SLC2A7: variants seen among roughly 807,000 people sequenced by gnomAD.
The protein encoded by SLC2A7 is solute carrier family 2 member 7.
Under a neutral mutation model 50.5 loss-of-function variants are expected in SLC2A7, and 50 were observed. The observed-to-expected ratio is 0.99, with a 90% CI of 0.79 to 1.25. The LOEUF is 1.25. SLC2A7 is among the 50% of genes most tolerant of loss of function. The pLI is 0.00. For synonymous variants in SLC2A7, 308 were observed against 300.4 expected, an observed-to-expected ratio of 1.03 and a Z score of -0.26; for missense variants, 683 against 679.1, an observed-to-expected ratio of 1.01 and a Z score of -0.06.
chr1:9,023,246 C>T (rs1242219976), intron 2 of SLC2A7, among the ~76,000 whole-genome samples, 168 bp from the exon 3 acceptor site: 2 of 152,112 alleles, frequency 1.3e-5, no homozygotes, highest in Non-Finnish European at 1.5e-5. Context: ...ATCAAAAAAT[C>T]TACTATATGA....
In SLC2A7 at chr1:9,004,725, C is replaced by T. The variant is rs200454299; in HGVS notation, c.1320+27G>A. 2.0e-4 allele frequency: 326 copies of T among 1,612,446 alleles called. 1 individual carries two copies. Among genetic ancestry groups the T allele is most frequent in the South Asian group, 2.7e-4 (25 of 90,992 alleles). ...CTTACTCCCTGGAGGCCCGGTGGAG[C>T]GGGTTGGGGAAGGGGCCCTCACTCA... is the stretch of plus-strand genomic sequence containing the variant. On this transcript the variant is annotated intron_variant, in intron 11 of 11. Transcript: ENST00000400906.
chr1:9,012,957 C>G (rs1236036138), intron 8 of SLC2A7, among the ~76,000 whole-genome samples: 1 of 152,138 alleles, frequency 6.6e-6, no homozygotes, highest in Non-Finnish European at 1.5e-5. Flanking sequence ...GGTGCCATCT[C>G]CCTGCTCACT....
chr1:9,001,739 G>A (rs1349346327), downstream of SLC2A7, among the ~76,000 whole-genome samples: 1 of 152,096 alleles, frequency 6.6e-6, no homozygotes, highest in Non-Finnish European at 1.5e-5. Flanking sequence ...TTTCAAGGAA[G>A]ATATCAACTT....
chr1:9,012,547 C>G (rs998679166), intron 8 of SLC2A7, among the ~76,000 whole-genome samples: 1 of 152,150 alleles, frequency 6.6e-6, no homozygotes, highest in Admixed American at 6.5e-5. Context: ...CCCTTCTAAA[C>G]CTTCTGAGAG....
intron 3 of SLC2A7, among the ~76,000 whole-genome samples, chr1:9,021,458 C>A (rs1376373906): frequency 6.6e-6 from 1 of 152,114 alleles, no homozygotes; most frequent in Non-Finnish European, 1.5e-5. Flanking sequence ...CTTTGAGGAC[C>A]GCTGGGACCC....
chr1:8,996,936 C>T, the SLC2A7 span, among the ~76,000 whole-genome samples: 7 of 151,892 alleles, frequency 4.6e-5, no homozygotes, highest in Admixed American at 2.0e-4. Context: ...CCACCACGCC[C>T]GGCTAATTTT....
At chr1:9,015,025 G>A in intron 6 of SLC2A7, 92 bp downstream of exon 6, 1 of 1,562,546 alleles carries the variant, frequency 6.4e-7, no homozygotes, top group Non-Finnish European at 8.7e-7. Context: ...TCTCACCCCT[G>A]ACCCATGGCG....
At chr1:8,994,622 G>GT in the SLC2A7 span, among the ~76,000 whole-genome samples, 15 of 152,158 alleles carry the variant, frequency 9.9e-5, no homozygotes, top group African/African-American at 3.4e-4. Context: ...CACCACCTCT[G>GT]TGGCAGGTGA....
At position 9,008,789 on chromosome 1, in the gene SLC2A7, G is replaced by A. The variant is rs965078192; in HGVS notation, c.1116+1354C>T. 6.6e-6 allele frequency among the ~76,000 whole-genome samples: 1 copy of A among 152,082 alleles called. No individual in the cohort carries two copies. Among genetic ancestry groups the A allele is most frequent in the South Asian group, 2.1e-4 (1 of 4,820 alleles). On this transcript the variant is annotated intron_variant, in intron 9 of 11. Coordinates refer to ENST00000400906, the MANE Select transcript of SLC2A7 (RefSeq NM_207420.3). This position sits in a 1 kb window ranked among gnomAD's most constrained non-coding sequence, Gnocchi z 5.9. ...ATTTTGTATTTTTAATAGAGACGGGGTTTCACCACGTGGTCAGGCTGCTCT... is the reference window on the plus strand; with the variant it reads ...ATTTTGTATTTTTAATAGAGACGGGATTTCACCACGTGGTCAGGCTGCTCT...
At position 9,025,200 on chromosome 1, in the gene SLC2A7, C is replaced by T. The variant is rs1024260703; in HGVS notation, c.52-126G>A. The T allele has an allele frequency of 5.2e-6, 5 of 954,036 alleles. No individual in the cohort carries two copies. In the African/African-American group the frequency reaches 6.5e-5, roughly 12 times the overall value. The allele number at this position is 954,036 out of a possible 1,614,324, so 59.1% of individuals were successfully genotyped here. A position where few individuals can be genotyped will look rare whatever the true frequency, so the allele number is the denominator to read the frequency against. On this transcript the variant is annotated intron_variant, in intron 1 of 11. Transcript: ENST00000400906. ...GATGGGGGATCCCAGGCCGTGCCCC[C>T]GGAAAAGAGGAGGAGGTGGCGCAGG...
intron 11 of SLC2A7, among the ~76,000 whole-genome samples, chr1:9,004,220 C>T (rs1388712497): frequency 6.6e-6 from 1 of 150,842 alleles, no homozygotes; most frequent in Non-Finnish European, 1.5e-5. Context: ...GTGGTCCCAG[C>T]GACTTGGGAG....
rs770352129 is a variant in SLC2A7 at position 9,022,902 on chromosome 1, T to G, written c.311+16A>C. ...TAGCATGAATTTTAAGTGGGAGCAGTGCACCTTCTGTTTACCTGCCGCAGC... is the reference window on the plus strand; with the variant it reads ...TAGCATGAATTTTAAGTGGGAGCAGGGCACCTTCTGTTTACCTGCCGCAGC... On this transcript the variant is annotated intron_variant, in intron 3 of 11. Coordinates refer to ENST00000400906, the MANE Select transcript of SLC2A7 (RefSeq NM_207420.3). 2 of 1,613,590 alleles carry G rather than the reference T, an allele frequency of 1.2e-6. No homozygotes were observed. Among genetic ancestry groups the G allele is most frequent in the East Asian group, 4.5e-5 (2 of 44,878 alleles).
intron 5 of SLC2A7, 42 bp downstream of exon 5, chr1:9,018,181 C>G (rs745648843): frequency 1.9e-6 from 3 of 1,610,634 alleles, no homozygotes; most frequent in Non-Finnish European, 8.5e-7. Context: ...CACAGCCGAA[C>G]GAGAGACTGG....
chr1:9,000,508 A>C (rs1640559048), downstream of SLC2A7, among the ~76,000 whole-genome samples: 1 of 150,816 alleles, frequency 6.6e-6, no homozygotes, highest in African/African-American at 2.4e-5. Context: ...AATCCCAGCT[A>C]TTTGGGAGGC....
chr1:9,024,772 C>T (rs894066949), intron 2 of SLC2A7, among the ~76,000 whole-genome samples: 4 of 152,168 alleles, frequency 2.6e-5, no homozygotes, highest in Non-Finnish European at 5.9e-5. Context: ...AAGGACGACA[C>T]TCCAGGGGGA....
the SLC2A7 span, among the ~76,000 whole-genome samples, chr1:8,992,726 G>A: frequency 5.3e-5 from 8 of 152,234 alleles, no homozygotes; most frequent in East Asian, 3.9e-4. Context: ...CAGTATAGCC[G>A]GAGCCCAGGA....
intron 10 of SLC2A7, among the ~76,000 whole-genome samples, chr1:9,006,986 A>G (rs1284987226): frequency 2.0e-5 from 3 of 152,124 alleles, no homozygotes; most frequent in Non-Finnish European, 4.4e-5. Context: ...TGTGGATGTA[A>G]ACCAAGGTGC....
At chr1:9,018,847 A>AGT (rs35266452) in intron 4 of SLC2A7, among the ~76,000 whole-genome samples, 55,282 of 151,838 alleles carry the variant, frequency 0.36, 10,904 homozygotes, top group African/African-American at 0.52. Context: ...TCAAGGTGAA[A>AGT]GTGTTTCTAA....
At chr1:9,011,101 T>A (rs1640742605) in intron 8 of SLC2A7, among the ~76,000 whole-genome samples, 1 of 152,224 alleles carries the variant, frequency 6.6e-6, no homozygotes. Flanking sequence ...GAGGAAATTA[T>A]TCACACCAGC....
Sources: allele counts gnomAD v4.1 joint callset (sites outside exome capture counted in the v4.1 genomes callset), GRCh38; gene constraint gnomAD v4.1.1; non-coding constraint Gnocchi (gnomAD v3.1); transcripts MANE v1.5; gene names NCBI Gene and HGNC (gene_info 2026-07-23, HGNC 2026-07-21).